The following POLN variants were observed in gnomAD, a reference collection of about 807,000 sequenced individuals.
The protein encoded by POLN is DNA polymerase nu, also known as DNA polymerase N.
A neutral mutation model predicts 113.5 loss-of-function variants in POLN; 108 were observed. That is an observed-to-expected ratio of 0.95 (90% CI 0.81 to 1.12). POLN has a LOEUF of 1.12. POLN is among the 50% of genes most tolerant of loss of function. The probability of loss-of-function intolerance (pLI) is 0.00; values close to 1 mark genes in which losing one functional copy is unlikely to be tolerated. For synonymous variants in POLN, 386 were observed against 391.5 expected (o/e 0.99, Z 0.17); for missense variants, 1,097 against 1,077.1 (o/e 1.02, Z -0.26).
chr4:2,129,129 TA>T, intron 18 of POLN, 49 bp downstream of exon 18: 1 of 1,298,622 alleles, frequency 7.7e-7, no homozygotes, highest in Non-Finnish European at 1.1e-6. Context: ...GTTCAATTTC[TA>T]AACCTTTGAA....
chr4:2,213,033 G>A lies in POLN; in HGVS notation c.213+14C>T, dbSNP rs1221519065. 3 of 1,568,866 alleles carry A rather than the reference G, an allele frequency of 1.9e-6. No homozygotes were observed. The highest frequency in any genetic ancestry group is 4.5e-5 in the East Asian group (2 of 44,260). ...GTTATCTATTTAAAATTACTCATAT[G>A]TGCAATGATTTACCTTTTTTTCTGG... On this transcript the variant is annotated intron_variant, in intron 4 of 25. Transcript: ENST00000511885.
intron 5 of POLN, among the ~76,000 whole-genome samples, chr4:2,207,621 CA>C (rs1167650905): frequency 2.0e-5 from 3 of 151,862 alleles, no homozygotes; most frequent in Middle Eastern, 3.2e-3. Context: ...GGCCAATAAG[CA>C]CATGAAAAGA....
At chr4:2,177,079 G>C (rs960722987) in intron 8 of POLN, among the ~76,000 whole-genome samples, 1 of 152,152 alleles carries the variant, frequency 6.6e-6, no homozygotes, top group Non-Finnish European at 1.5e-5. Flanking sequence ...TCCTGTGAAT[G>C]TTGGGAGAAC....
intron 24 of POLN, among the ~76,000 whole-genome samples, chr4:2,073,626 G>T (rs1730205925): frequency 6.6e-6 from 1 of 152,242 alleles, no homozygotes; most frequent in Non-Finnish European, 1.5e-5. Context: ...CCTGGGCAGG[G>T]GCCAGAGGTG....
chr4:2,121,334 CTGA>C, intron 19 of POLN, among the ~76,000 whole-genome samples: 2 of 151,808 alleles, frequency 1.3e-5, no homozygotes, highest in Admixed American at 1.3e-4. Flanking sequence ...ACTCCGGAGG[CTGA>C]GGCAGGAGAA....
chr4:2,107,580 C>T (rs1234081995), intron 19 of POLN, among the ~76,000 whole-genome samples: 1 of 152,108 alleles, frequency 6.6e-6, no homozygotes, highest in Non-Finnish European at 1.5e-5. Flanking sequence ...GAAGTTATTA[C>T]ACCAGTAGAT....
chr4:2,188,102 T>G (rs926284711), intron 7 of POLN, among the ~76,000 whole-genome samples: 2 of 150,518 alleles, frequency 1.3e-5, no homozygotes, highest in African/African-American at 4.9e-5. Context: ...GGTGACAGAG[T>G]GAGACCCCAT....
chr4:2,079,780 T>C, intron 23 of POLN: 1 of 834,800 alleles, frequency 1.2e-6, no homozygotes, highest in Non-Finnish European at 1.4e-6. Flanking sequence ...TGACGATGTT[T>C]TACCCTGTTG....
chr4:2,146,956 T>C (rs1017859898), intron 16 of POLN, among the ~76,000 whole-genome samples: 1 of 152,164 alleles, frequency 6.6e-6, no homozygotes, highest in African/African-American at 2.4e-5. Context: ...TGAGCATATA[T>C]TTAGGAAAAT....
chr4:2,146,881 A>T (rs1463315930), intron 16 of POLN, among the ~76,000 whole-genome samples: 1 of 152,178 alleles, frequency 6.6e-6, no homozygotes, highest in Non-Finnish European at 1.5e-5. Context: ...CATAGGACAA[A>T]ATGTTAATTT....
chr4:2,184,890 G>A (rs1163135506), intron 7 of POLN, among the ~76,000 whole-genome samples: 1 of 152,094 alleles, frequency 6.6e-6, no homozygotes, highest in East Asian at 1.9e-4. Context: ...ATACTAAAAT[G>A]AAAAAGGCTT....
intron 3 of POLN, among the ~76,000 whole-genome samples, chr4:2,222,406 A>C (rs79611985): frequency 1.1e-4 from 16 of 152,026 alleles, no homozygotes; most frequent in Non-Finnish European, 2.2e-4. Context: ...CAAAAAAAAA[A>C]CTAGCCGGGC....
At chr4:2,210,145 T>C (rs1253823806) in intron 4 of POLN, among the ~76,000 whole-genome samples, 1 of 151,934 alleles carries the variant, frequency 6.6e-6, no homozygotes, top group Non-Finnish European at 1.5e-5. Context: ...CAGAGAAATA[T>C]ATGGTTTCCA....
intron 20 of POLN, among the ~76,000 whole-genome samples, chr4:2,086,487 A>G (rs1730553904): frequency 6.6e-6 from 1 of 152,016 alleles, no homozygotes; most frequent in East Asian, 1.9e-4. Flanking sequence ...TTCACTGTAT[A>G]TTAGGAACAA....
chr4:2,100,994 TGG>T lies in POLN; in HGVS notation c.1983-5063_1983-5062del, dbSNP rs140241403. 1.2e-3 allele frequency among the ~76,000 whole-genome samples: 189 copies of T among 152,326 alleles called. 2 individuals carry two copies. In the East Asian group the frequency reaches 0.02, roughly 16 times the overall value. On this transcript the variant is annotated intron_variant, in intron 19 of 25. Transcript: ENST00000511885. ...AGCCCAGTGGCAGTGCTGGGGCTCA[TGG>T]GCCTTGGTGTGTTGCAGAGGTGAAA...
At chr4:2,173,070 C>CTG (rs1732903600) in intron 11 of POLN, among the ~76,000 whole-genome samples, 1 of 152,198 alleles carries the variant, frequency 6.6e-6, no homozygotes. Flanking sequence ...CAAAGCTAAA[C>CTG]TACATTGCTT....
intron 19 of POLN, among the ~76,000 whole-genome samples, chr4:2,110,204 A>G (rs967706604): frequency 1.4e-4 from 22 of 152,226 alleles, no homozygotes; most frequent in Non-Finnish European, 3.1e-4. Flanking sequence ...GAACAAAGAC[A>G]CAACATACCA....
At position 2,075,464 on chromosome 4, in the gene POLN, G is replaced by A. The variant is rs774301228; in HGVS notation, c.2443C>T (p.Pro815Ser). ...TGCCCCAGGCTACCTGCACACTCCG[G>A]GATCTGCGGATCTTCCACTTCAAAC... ...LLFEVEDPQIPECAALVRRTM... is the reference protein window; with the variant it reads ...LLFEVEDPQISECAALVRRTM... The change falls in exon 24 of 26, where the codon CCG becomes TCG. Residue 815 changes from proline to serine, a missense_variant. Physicochemically the swap from Pro to Ser is moderately conservative, Grantham distance 74. Coordinates refer to ENST00000511885, the MANE Select transcript of POLN (RefSeq NM_181808.4). 6.2e-7 allele frequency: 1 copy of A among 1,613,532 alleles called. No homozygotes were observed. Among genetic ancestry groups the A allele is most frequent in the Admixed American group, 1.7e-5 (1 of 60,026 alleles).
intron 3 of POLN, among the ~76,000 whole-genome samples, chr4:2,214,678 G>C (rs1172115161): frequency 6.6e-6 from 1 of 152,026 alleles, no homozygotes; most frequent in African/African-American, 2.4e-5. Flanking sequence ...ACTCTTTCTA[G>C]AAGGCAAACT....
Sources: gnomAD v4.1 joint callset for allele counts (sites outside exome capture counted in the v4.1 genomes callset) on GRCh38, gnomAD v4.1.1 for gene constraint, MANE v1.5 for transcripts, NCBI Gene and HGNC (gene_info 2026-07-23, HGNC 2026-07-21) for gene names.